ARHGAP15: variants seen among roughly 807,000 people sequenced by gnomAD.
ARHGAP15 encodes the protein rho GTPase-activating protein 15.
A neutral mutation model predicts 63.7 loss-of-function variants in ARHGAP15; 51 were observed. That is an observed-to-expected ratio of 0.80 (90% CI 0.64 to 1.01). The LOEUF (loss-of-function observed/expected upper bound fraction) is 1.01. Among genes scored for constraint, ARHGAP15 ranks in the 50% least tolerant of loss-of-function variants. ARHGAP15 has a pLI of 0.00. For missense variants in ARHGAP15, 560 were observed against 564.6 expected (o/e 0.99, Z 0.08); for synonymous variants, 191 against 193.8 (o/e 0.99, Z 0.12).
At chr2:143,160,814 T>C (rs1241745153) in intron 2 of ARHGAP15, among the ~76,000 whole-genome samples, 1 of 151,934 alleles carries the variant, frequency 6.6e-6, no homozygotes, top group Non-Finnish European at 1.5e-5. Flanking sequence ...TTAACTCTAT[T>C]TACCAAGCAC....
chr2:143,380,643 G>A (rs1332057192), intron 6 of ARHGAP15, among the ~76,000 whole-genome samples: 2 of 152,088 alleles, frequency 1.3e-5, no homozygotes, highest in African/African-American at 4.8e-5. Context: ...CTCTATATAT[G>A]TTCATTCTGG....
chr2:143,587,627 T>G (rs1486672605), intron 11 of ARHGAP15: 1 of 427,888 alleles, frequency 2.3e-6, no homozygotes, highest in Non-Finnish European at 4.8e-6. Context: ...TAGTTGGCTT[T>G]TCCCTTCCCA....
At chr2:143,301,796 T>A (rs1682911313) in intron 6 of ARHGAP15, among the ~76,000 whole-genome samples, 1 of 151,650 alleles carries the variant, frequency 6.6e-6, no homozygotes, top group Non-Finnish European at 1.5e-5. Flanking sequence ...TCTATATACA[T>A]CCGTCTAGAT....
intron 6 of ARHGAP15, among the ~76,000 whole-genome samples, chr2:143,348,122 A>G (rs1685380318): frequency 6.6e-6 from 1 of 152,022 alleles, no homozygotes; most frequent in Admixed American, 6.6e-5. Context: ...CCAGTAACCT[A>G]TTGGGGCACT....
chr2:143,471,000 G>T (rs1691519011), intron 8 of ARHGAP15, among the ~76,000 whole-genome samples: 1 of 98,410 alleles, frequency 1.0e-5, no homozygotes, highest in Non-Finnish European at 2.6e-5. Context: ...ATACATGTGT[G>T]TATAGATAAA....
Position 143,721,061 on chromosome 2 carries a change from C to CAAAAA in ARHGAP15, c.1244+17552_1244+17556dup, listed in dbSNP as rs60500194. On this transcript the variant is annotated intron_variant, in intron 13 of 13. Coordinates refer to ENST00000295095, the MANE Select transcript of ARHGAP15 (RefSeq NM_018460.4). The stretch of plus-strand genomic sequence containing the variant: ...TGGGCGACAGAGCAAGACTCCGTCT[C>CAAAAA]AAAAAAAAAAAAAAAAAAATGCAGA... 2.0e-3 allele frequency among the ~76,000 whole-genome samples: 160 copies of CAAAAA among 78,408 alleles called. 4 individuals carry two copies. The highest frequency in any genetic ancestry group is 5.7e-3 in the South Asian group (10 of 1,756). 51.4% of individuals were successfully genotyped at this position (78,408 alleles called of 152,430 possible). A position where few individuals can be genotyped will look rare whatever the true frequency, so the allele number is the denominator to read the frequency against.
chr2:143,259,607 C>G (rs942739708), intron 6 of ARHGAP15, among the ~76,000 whole-genome samples: 2 of 152,174 alleles, frequency 1.3e-5, no homozygotes, highest in African/African-American at 2.4e-5. Flanking sequence ...TTCTCTGATT[C>G]GGTTTGACTG....
At chr2:143,601,930 C>A (rs1169933424) in intron 11 of ARHGAP15, among the ~76,000 whole-genome samples, 3 of 152,074 alleles carry the variant, frequency 2.0e-5, no homozygotes, top group Admixed American at 6.6e-5. Context: ...GTTTTGTTTT[C>A]ATATAACATA....
At chr2:143,545,915 C>T (rs573331619) in intron 10 of ARHGAP15, among the ~76,000 whole-genome samples, 27 of 152,218 alleles carry the variant, frequency 1.8e-4, no homozygotes, top group African/African-American at 6.0e-4. Flanking sequence ...TGAAAATGTT[C>T]GCTTTTCAAA....
At chr2:143,435,344 A>G in intron 6 of ARHGAP15, 1 of 1,091,104 alleles carries the variant, frequency 9.2e-7, no homozygotes, top group South Asian at 3.5e-5. Flanking sequence ...CTTAAGTTGG[A>G]GTAATTCAGC....
Position 143,519,301 on chromosome 2 carries a change from G to T in ARHGAP15, c.862G>T (p.Glu288Ter). 1 of 1,613,202 alleles carries T rather than the reference G, an allele frequency of 6.2e-7. No homozygotes were observed. The highest frequency in any genetic ancestry group is 1.1e-5 in the South Asian group (1 of 91,020). Residue 288 changes from glutamate to a stop codon, truncating the protein, a stop_gained, in exon 10 of 14, where the codon GAA becomes TAA. Transcript: ENST00000295095. LOFTEE classifies it high-confidence loss of function. ...TGGCTCTCATCTGCACAAAGTGTGT[G>T]AACGTGAAAATTCCACAGTTCCGTG... is the stretch of plus-strand genomic sequence containing the variant. Reference protein sequence around the residue: ...IFGSHLHKVCERENSTVPWFV... With the variant: ...IFGSHLHKVC
At chr2:143,668,280 C>CTT (rs60232406) in intron 12 of ARHGAP15, among the ~76,000 whole-genome samples, 3 of 145,654 alleles carry the variant, frequency 2.1e-5, no homozygotes, top group Non-Finnish European at 4.5e-5. Context: ...ATTCTATTTT[C>CTT]TTTTTTTTTT....
At chr2:143,479,469 C>T (rs1691974556) in intron 8 of ARHGAP15, among the ~76,000 whole-genome samples, 1 of 151,910 alleles carries the variant, frequency 6.6e-6, no homozygotes, top group South Asian at 2.1e-4. Context: ...ACAATCTTTC[C>T]TCATGGAAAA....
At chr2:143,219,119 C>T (rs1180770694) in intron 4 of ARHGAP15, among the ~76,000 whole-genome samples, 1 of 152,180 alleles carries the variant, frequency 6.6e-6, no homozygotes, top group African/African-American at 2.4e-5. Context: ...GCATTTTGAT[C>T]AGTGATGGAC....
intron 8 of ARHGAP15, among the ~76,000 whole-genome samples, chr2:143,472,990 A>G (rs1691650648): frequency 6.6e-6 from 1 of 152,270 alleles, no homozygotes; most frequent in Admixed American, 6.5e-5. Flanking sequence ...TTTATTGATC[A>G]CCGCTACATA....
intron 12 of ARHGAP15, among the ~76,000 whole-genome samples, chr2:143,646,068 A>C (rs1443467573): frequency 6.6e-6 from 1 of 152,078 alleles, no homozygotes; most frequent in African/African-American, 2.4e-5. Flanking sequence ...GAAAGTAGAA[A>C]CAGTAAGATG....
chr2:143,552,790 A>G (rs1364106712), intron 10 of ARHGAP15, among the ~76,000 whole-genome samples: 1 of 152,148 alleles, frequency 6.6e-6, no homozygotes, highest in Non-Finnish European at 1.5e-5. Context: ...CGTGTTCCCA[A>G]AGTATTTTTA....
intron 6 of ARHGAP15, among the ~76,000 whole-genome samples, chr2:143,346,250 T>TCACACA (rs138964635): frequency 1.9e-4 from 26 of 138,744 alleles, no homozygotes; most frequent in African/African-American, 4.9e-4. Context: ...ACACACACAC[T>TCACACA]CACACACACA....
intron 12 of ARHGAP15, among the ~76,000 whole-genome samples, chr2:143,669,995 A>T (rs1235972766): frequency 2.0e-5 from 3 of 152,228 alleles, no homozygotes; most frequent in Non-Finnish European, 4.4e-5. Flanking sequence ...TGTGCAAGGC[A>T]TGTAGACTAG....
Sources: allele counts gnomAD v4.1 joint callset (sites outside exome capture counted in the v4.1 genomes callset), GRCh38; gene constraint gnomAD v4.1.1; transcripts MANE v1.5; gene names NCBI Gene and HGNC (gene_info 2026-07-23, HGNC 2026-07-21).